Variants in CASP9 observed in about 807,000 individuals in gnomAD.
The protein encoded by CASP9 is caspase-9.
A neutral mutation model predicts 43.5 loss-of-function variants in CASP9; 29 were observed. The ratio of observed to expected loss-of-function variants is 0.67; its 90% CI spans 0.50 to 0.91. CASP9 has a LOEUF of 0.91. Among genes scored for constraint, CASP9 ranks in the 40% least tolerant of loss-of-function variants. The pLI, the probability that CASP9 is intolerant of heterozygous loss-of-function variation, is 0.00. For synonymous variants in CASP9, 206 were observed against 211.9 expected, an observed-to-expected ratio of 0.97 and a Z score of 0.24; for missense variants, 575 against 537.4, an observed-to-expected ratio of 1.07 and a Z score of -0.69.
intron 1 of CASP9, among the ~76,000 whole-genome samples, chr1:15,520,691 C>T (rs1234824266): frequency 2.6e-5 from 4 of 151,798 alleles, no homozygotes; most frequent in East Asian, 1.9e-4. Flanking sequence ...CGGTGGCTCA[C>T]GCCTGTAATC....
intron 6 of CASP9, among the ~76,000 whole-genome samples, chr1:15,501,724 G>A (rs982914464): frequency 2.0e-5 from 3 of 152,134 alleles, no homozygotes; most frequent in African/African-American, 7.2e-5. Context: ...TTGTTTTAAT[G>A]ATGGAAATCT....
intron 6 of CASP9, among the ~76,000 whole-genome samples, chr1:15,499,495 A>G (rs1299925118): frequency 2.0e-5 from 3 of 152,238 alleles, no homozygotes; most frequent in Non-Finnish European, 4.4e-5. Flanking sequence ...AATACCAAAT[A>G]GACACCAAGT....
chr1:15,510,498 C>A (rs931332148), intron 2 of CASP9, among the ~76,000 whole-genome samples: 7 of 152,146 alleles, frequency 4.6e-5, no homozygotes, highest in Non-Finnish European at 4.4e-5. Flanking sequence ...TTCCGCTGTA[C>A]CCCAAAAATA....
chr1:15,491,508 T>G lies in CASP9; in HGVS notation c.*1435A>C. 1.5e-6 allele frequency: 1 copy of G among 674,954 alleles called. No individual in the cohort carries two copies. Among genetic ancestry groups the G allele is most frequent in the Non-Finnish European group, 2.4e-6 (1 of 410,968 alleles). The allele number at this position is 674,954 out of a possible 1,614,324, so 41.8% of individuals were successfully genotyped here. A position where few individuals can be genotyped will look rare whatever the true frequency, so the allele number is the denominator to read the frequency against. On this transcript the variant is annotated 3_prime_UTR_variant, in exon 9 of 9. Transcript: ENST00000333868. The stretch of plus-strand genomic sequence containing the variant: ...CGCAATGGCTCAAGCCTGTAACCCC[T>G]GCACTTTGGGAGGCTAAGGCAGGCT...
At chr1:15,507,647 T>C in intron 3 of CASP9, 1 of 569,188 alleles carries the variant, frequency 1.8e-6, no homozygotes, top group Non-Finnish European at 3.1e-6. Flanking sequence ...CCTCATCAGG[T>C]CTGCCCTGCT....
chr1:15,509,641 A>C (rs1335299632), intron 2 of CASP9, among the ~76,000 whole-genome samples: 1 of 151,730 alleles, frequency 6.6e-6, no homozygotes, highest in Non-Finnish European at 1.5e-5. Context: ...ATCTCAAAAA[A>C]AAAAAAAAGA....
At chr1:15,497,206 G>T (rs574759854) in intron 6 of CASP9, among the ~76,000 whole-genome samples, 4 of 151,826 alleles carry the variant, frequency 2.6e-5, no homozygotes, top group African/African-American at 7.3e-5. Context: ...AGCTACTTGG[G>T]AGGCTGAGGC....
chr1:15,511,367 T>C (rs951728943), intron 2 of CASP9, among the ~76,000 whole-genome samples: 24 of 151,818 alleles, frequency 1.6e-4, no homozygotes, highest in Admixed American at 1.4e-3. Flanking sequence ...CCCTCCCTCC[T>C]AAGCCATCCA....
rs1339439671 is a variant in CASP9, at chr1:15,523,939, G to C, written c.132+130C>G. 10 of 631,260 alleles carry C rather than the reference G, an allele frequency of 1.6e-5. No individual in the cohort carries two copies. The Admixed American group carries it at 3.5e-4, about 22-fold the overall frequency. 39.1% of individuals were successfully genotyped at this position (631,260 alleles called of 1,614,324 possible). A position where few individuals can be genotyped will look rare whatever the true frequency, so the allele number is the denominator to read the frequency against. On this transcript the variant is annotated intron_variant, in intron 1 of 8. Coordinates refer to ENST00000333868, the MANE Select transcript of CASP9 (RefSeq NM_001229.5). The stretch of plus-strand genomic sequence containing the variant: ...CGCTTTAGCGAACACCCGACTAAGA[G>C]GTGTTTGGGATTCTTTGGCTCCGCT...
chr1:15,494,115 T>C, intron 7 of CASP9, 114 bp from the exon 8 acceptor site: 2 of 1,282,688 alleles, frequency 1.6e-6, no homozygotes, highest in African/African-American at 1.5e-5. Context: ...GACTCATACA[T>C]ACATCCAACA....
intron 2 of CASP9, among the ~76,000 whole-genome samples, chr1:15,515,691 T>C (rs1709920869): frequency 6.6e-6 from 1 of 152,168 alleles, no homozygotes; most frequent in African/African-American, 2.4e-5. Context: ...CAGGAAAAAA[T>C]GTCAATATTC....
chr1:15,506,861 C>G (rs760491709), intron 4 of CASP9, 38 bp downstream of exon 4: 2 of 1,510,310 alleles, frequency 1.3e-6, no homozygotes, highest in Admixed American at 3.4e-5. Flanking sequence ...CCACCCACTG[C>G]CCCCCACCCT....
At chr1:15,506,866 C>A (rs201617618) in intron 4 of CASP9, 33 bp downstream of exon 4, 2 of 1,563,074 alleles carry the variant, frequency 1.3e-6, no homozygotes, top group East Asian at 2.3e-5. Flanking sequence ...CACTGCCCCC[C>A]ACCCTGTCTC....
upstream of CASP9, chr1:15,524,485 C>G: frequency 1.2e-6 from 1 of 848,670 alleles, no homozygotes; most frequent in Non-Finnish European, 1.5e-6. Context: ...CGCTCCGCGT[C>G]ACCGCCCCGC....
chr1:15,503,970 T>C (rs1174222739), intron 6 of CASP9, among the ~76,000 whole-genome samples: 1 of 152,162 alleles, frequency 6.6e-6, no homozygotes, highest in Non-Finnish European at 1.5e-5. Flanking sequence ...AGTTTAAAAT[T>C]AGAGCATACA....
chr1:15,521,718 G>T (rs920681302), intron 1 of CASP9, among the ~76,000 whole-genome samples: 2 of 151,792 alleles, frequency 1.3e-5, no homozygotes, highest in African/African-American at 4.9e-5. Flanking sequence ...CCAGGCATTC[G>T]GGGCCACTAC....
At chr1:15,523,442 T>C (rs1422264738) in intron 1 of CASP9, among the ~76,000 whole-genome samples, 1 of 152,146 alleles carries the variant, frequency 6.6e-6, no homozygotes, top group Non-Finnish European at 1.5e-5. Flanking sequence ...GCTAGAAAAG[T>C]AAAAACGCAC....
chr1:15,517,585 T>C (rs888994157), intron 2 of CASP9, among the ~76,000 whole-genome samples: 6 of 152,204 alleles, frequency 3.9e-5, no homozygotes, highest in African/African-American at 1.4e-4. Flanking sequence ...GTGTGACCTT[T>C]GGCAAAGTGT....
At chr1:15,524,452 C>T (rs1710365319), upstream of CASP9, 9 of 1,142,646 alleles carry the variant, frequency 7.9e-6, no homozygotes, top group South Asian at 1.3e-4. Context: ...CCAAGCCTCC[C>T]ATCACCGCGC....
Sources: gnomAD v4.1 joint callset for allele counts (sites outside exome capture counted in the v4.1 genomes callset) on GRCh38, gnomAD v4.1.1 for gene constraint, MANE v1.5 for transcripts, NCBI Gene and HGNC (gene_info 2026-07-23, HGNC 2026-07-21) for gene names.